Variants in PDE12 observed in about 807,000 individuals in gnomAD.
The protein encoded by PDE12 is phosphodiesterase 12, also known as 2',5'-phosphodiesterase 12.
Under a neutral mutation model 45.4 loss-of-function variants are expected in PDE12, and 26 were observed. The observed-to-expected ratio is 0.57, with a 90% CI of 0.42 to 0.79. The LOEUF is 0.79. PDE12 is among the 30% of genes least tolerant of loss of function. The probability of loss-of-function intolerance (pLI) is 0.00; values close to 1 mark genes in which losing one functional copy is unlikely to be tolerated. For missense variants in PDE12, 668 were observed against 790.0 expected, an observed-to-expected ratio of 0.85 and a Z score of 1.85; for synonymous variants, 283 against 323.9, an observed-to-expected ratio of 0.87 and a Z score of 1.36.
At chr3:57,646,764 T>C in the PDE12 span, among the ~76,000 whole-genome samples, 1 of 152,232 alleles carries the variant, frequency 6.6e-6, no homozygotes, top group Non-Finnish European at 1.5e-5. Flanking sequence ...AATATTGCTT[T>C]GATACTTTGA....
the PDE12 span, among the ~76,000 whole-genome samples, chr3:57,637,906 T>C: frequency 6.6e-6 from 1 of 151,220 alleles, no homozygotes; most frequent in Non-Finnish European, 1.5e-5. Flanking sequence ...GAGGCTGAGG[T>C]GAGTGGATCA....
chr3:57,640,037 C>T, the PDE12 span, among the ~76,000 whole-genome samples: 9 of 151,816 alleles, frequency 5.9e-5, no homozygotes, highest in Non-Finnish European at 1.2e-4. Flanking sequence ...TTTGGGAAGC[C>T]GAGGTGGGCG....
chr3:57,614,533 T>G, the PDE12 span, among the ~76,000 whole-genome samples: 7,975 of 130,242 alleles, frequency 0.061, 342 homozygotes, highest in Non-Finnish European at 0.098. Context: ...GTTTTTTTTT[T>G]TTTGTTTTTT....
At chr3:57,575,566 C>G in the PDE12 span, 3 of 1,612,888 alleles carry the variant, frequency 1.9e-6, no homozygotes, top group South Asian at 3.3e-5. Context: ...TACGAAGAGA[C>G]TGAAGCCCTA....
At chr3:57,595,518 T>C in the PDE12 span, among the ~76,000 whole-genome samples, 2 of 152,182 alleles carry the variant, frequency 1.3e-5, no homozygotes, top group Non-Finnish European at 2.9e-5. Flanking sequence ...GAATGACTCA[T>C]AAACAATTGA....
chr3:57,613,625 C>T, the PDE12 span, among the ~76,000 whole-genome samples: 3 of 151,630 alleles, frequency 2.0e-5, no homozygotes, highest in Non-Finnish European at 1.5e-5. Context: ...ATAGGCTGGG[C>T]ACCTGTGGCT....
At chr3:57,631,228 G>A in the PDE12 span, 11,673 of 410,870 alleles carry the variant, frequency 0.028, 221 homozygotes, top group Middle Eastern at 0.042. Flanking sequence ...ACAGAGCCTT[G>A]TTCTGTTGCG....
At chr3:57,570,642 T>C (rs561264566), downstream of PDE12, among the ~76,000 whole-genome samples, 3 of 152,296 alleles carry the variant, frequency 2.0e-5, no homozygotes, top group South Asian at 2.1e-4. Context: ...CATGAGAATA[T>C]AGACAGAAAC....
downstream of PDE12, among the ~76,000 whole-genome samples, chr3:57,567,072 G>GGC (rs1175144128): frequency 3.9e-5 from 6 of 152,296 alleles, no homozygotes; most frequent in African/African-American, 1.4e-4. Context: ...CACTTTGGGA[G>GGC]GCCAAGGCGG....
chr3:57,652,957 A>G, the PDE12 span, among the ~76,000 whole-genome samples: 1 of 152,212 alleles, frequency 6.6e-6, no homozygotes, highest in African/African-American at 2.4e-5. Flanking sequence ...TATTGTAACA[A>G]CTGGTAACAT....
the PDE12 span, among the ~76,000 whole-genome samples, chr3:57,601,372 A>G: frequency 2.6e-5 from 4 of 151,868 alleles, no homozygotes; most frequent in African/African-American, 9.7e-5. Flanking sequence ...GCCTCCCAAA[A>G]TGCTGGGATT....
the PDE12 span, among the ~76,000 whole-genome samples, chr3:57,589,659 A>C: frequency 6.7e-6 from 1 of 149,570 alleles, no homozygotes; most frequent in East Asian, 2.0e-4. Flanking sequence ...TGGAGGTTAC[A>C]GTGAGCCCAT....
chr3:57,634,780 C>G, the PDE12 span: 9 of 1,540,938 alleles, frequency 5.8e-6, no homozygotes, highest in Non-Finnish European at 7.9e-6. Flanking sequence ...CTGAAGGAAG[C>G]AGCATAAAGA....
the PDE12 span, among the ~76,000 whole-genome samples, chr3:57,577,068 AC>A: frequency 0.013 from 1,928 of 151,900 alleles, 43 homozygotes; most frequent in African/African-American, 0.044. Context: ...AAAAAAAAAA[AC>A]AACACTGCTC....
the PDE12 span, among the ~76,000 whole-genome samples, chr3:57,651,741 G>A: frequency 3.3e-5 from 5 of 150,644 alleles, 1 homozygote; most frequent in Admixed American, 6.6e-5. Flanking sequence ...GCAAGACAGT[G>A]TTCAAAGAAT....
rs1428546871 is a variant in PDE12 at position 57,561,997 on chromosome 3, AG to A, written c.*1994del. ...ATAACATTTTTGAGAGCATTTTAAC[AG>A]CAGTTTACAAATATGTAAATAATAG... is the stretch of plus-strand genomic sequence containing the variant. On this transcript the variant is annotated 3_prime_UTR_variant, in exon 3 of 3. Transcript: ENST00000311180. 8.1e-6 allele frequency: 8 copies of A among 983,522 alleles called. No individual in the cohort carries two copies. The African/African-American group carries it at 1.4e-4, about 17-fold the overall frequency. 60.9% of individuals were successfully genotyped at this position (983,522 alleles called of 1,614,324 possible).
chr3:57,653,941 C>CTTTTTTTTTTT, the PDE12 span, among the ~76,000 whole-genome samples: 6 of 75,820 alleles, frequency 7.9e-5, 1 homozygote, highest in Admixed American at 1.8e-4. Context: ...TAGAAATTCA[C>CTTTTTTTTTTT]TTTTTTTTTT....
chr3:57,606,562 G>A, the PDE12 span, among the ~76,000 whole-genome samples: 1 of 152,052 alleles, frequency 6.6e-6, no homozygotes, highest in South Asian at 2.1e-4. Flanking sequence ...AAGTATAATA[G>A]TGTATATGTA....
the PDE12 span, among the ~76,000 whole-genome samples, chr3:57,614,530 T>TTG: frequency 1.5e-5 from 2 of 134,708 alleles, no homozygotes; most frequent in South Asian, 2.4e-4. Context: ...TCCGTTTTTT[T>TTG]TTTTTTGTTT....
Sources: gnomAD v4.1 joint callset for allele counts (sites outside exome capture counted in the v4.1 genomes callset) on GRCh38, gnomAD v4.1.1 for gene constraint, MANE v1.5 for transcripts, NCBI Gene and HGNC (gene_info 2026-07-23, HGNC 2026-07-21) for gene names.